The following ZNF638 variants were observed in gnomAD, a reference collection of about 807,000 sequenced individuals.
The protein encoded by ZNF638 is zinc finger protein 638.
In ZNF638, 46 loss-of-function variants were observed where a neutral mutation model predicts 195.6. The observed-to-expected ratio is 0.24, with a 90% CI of 0.19 to 0.30. ZNF638 has a LOEUF of 0.30. ZNF638 is among the 10% of genes least tolerant of loss of function. The pLI, the probability that ZNF638 is intolerant of heterozygous loss-of-function variation, is 1.00. For missense variants in ZNF638, 2,440 were observed against 2,325.3 expected (o/e 1.05, Z -1.01); for synonymous variants, 845 against 772.0 (o/e 1.09, Z -1.57).
At position 71,423,350 on chromosome 2, in the gene ZNF638, G is replaced by C. The variant is rs775978921; in HGVS notation, c.3836G>C (p.Cys1279Ser). ...ETVSEILPST[C>S]IVTLVPGIPT... ...GTTTCGGAAATATTGCCATCAACTT[G>C]TATTGTGACGTTAGTACCAGGAATT... Residue 1279 changes from cysteine (C) to serine (S), a missense_variant, in exon 22 of 28, where the codon TGT becomes TCT. Around this residue, in one of 5 missense-constraint regions of ZNF638, gnomAD observed 1,883 missense variants for 1,739.1 expected, o/e 1.08. Transcript: ENST00000264447. The C allele has an allele frequency of 2.1e-5, 34 of 1,613,908 alleles. 1 individual carries two copies. The South Asian group carries it at 3.4e-4, about 16-fold the overall frequency.
rs2079889873 is a variant in ZNF638, at chr2:71,396,173, A to G, written c.2410A>G (p.Lys804Glu). The G allele has an allele frequency of 1.2e-6, 2 of 1,612,948 alleles. No homozygotes were observed. The highest frequency in any genetic ancestry group is 1.7e-6 in the Non-Finnish European group (2 of 1,179,720). ...KTGQAKASVAKVNKSTGKSAS... is the reference protein window; with the variant it reads ...KTGQAKASVAEVNKSTGKSAS... ...TGGACAAGCCAAGGCATCTGTAGCC[A>G]AAGTAAACAAATCTACAGGTATGTT... Residue 804 changes from lysine to glutamate, a missense_variant, in exon 11 of 28, where the codon AAA (lysine) becomes GAA (glutamate). Physicochemically the swap from Lys to Glu is moderately conservative, Grantham distance 56. This residue lies in a region of ZNF638 where 1,883 missense variants were observed against 1,739.1 expected (regional missense o/e 1.08). Coordinates refer to ENST00000264447, the MANE Select transcript of ZNF638 (RefSeq NM_014497.5).
intron 8 of ZNF638, chr2:71,373,948 G>A (rs2079368733): frequency 6.6e-6 from 1 of 152,040 alleles, no homozygotes; most frequent in South Asian, 2.1e-4. Context: ...TCAGCCTCCT[G>A]AGTACCTGGG....
At chr2:71,363,020 GA>G in intron 3 of ZNF638, 132 bp from the exon 4 acceptor site, 1 of 717,322 alleles carries the variant, frequency 1.4e-6, no homozygotes, top group Non-Finnish European at 2.4e-6. Context: ...ATTATTTATT[GA>G]ATTAAACTCT....
At chr2:71,384,488 A>G (rs192345487) in intron 10 of ZNF638, among the ~76,000 whole-genome samples, 2 of 152,304 alleles carry the variant, frequency 1.3e-5, no homozygotes, top group Admixed American at 6.5e-5. Context: ...ATGTTACTTC[A>G]TTCCTTGGTT....
At chr2:71,404,669 A>AT (rs1573129658) in intron 17 of ZNF638, among the ~76,000 whole-genome samples, 1 of 152,260 alleles carries the variant, frequency 6.6e-6, no homozygotes, top group South Asian at 2.1e-4. Flanking sequence ...CTGAGCTGTG[A>AT]TTTTACCACT....
chr2:71,355,061 C>T (rs979375970), intron 2 of ZNF638, among the ~76,000 whole-genome samples: 11 of 152,184 alleles, frequency 7.2e-5, no homozygotes, highest in Middle Eastern at 3.4e-3. Context: ...CTCCGCCTCC[C>T]GGGTTCACGC....
At chr2:71,371,338 C>T (rs1428156510) in intron 8 of ZNF638, among the ~76,000 whole-genome samples, 4 of 152,074 alleles carry the variant, frequency 2.6e-5, no homozygotes, top group Admixed American at 2.6e-4. Flanking sequence ...ATACTGATTT[C>T]TTTTCTTTTG....
intron 8 of ZNF638, among the ~76,000 whole-genome samples, chr2:71,373,610 G>C (rs1393975670): frequency 6.8e-6 from 1 of 147,486 alleles, no homozygotes; most frequent in African/African-American, 2.5e-5. Context: ...AACAGAGATG[G>C]GGTTTCACCA....
rs1213085860 is a variant in ZNF638 at position 71,423,811 on chromosome 2, T to G, written c.4297T>G (p.Ser1433Ala). 2 of 1,614,066 alleles carry G rather than the reference T, an allele frequency of 1.2e-6. No individual in the cohort carries two copies. Among genetic ancestry groups the G allele is most frequent in the East Asian group, 2.2e-5 (1 of 44,884 alleles). ...TCAAATAAATGCTGAAAAGAAACTT[T>G]CAGCCAAGGAATTTGGTCTGCTTAA... The part of the protein sequence containing the change: ...RDQINAEKKL[S>A]AKEFGLLKPT... Residue 1433 changes from serine (S) to alanine (A), a missense_variant, in exon 22 of 28, where the codon TCA becomes GCA. Physicochemically the swap from Ser to Ala is moderately conservative, Grantham distance 99 (BLOSUM62 1). Around this residue, in one of 5 missense-constraint regions of ZNF638, gnomAD observed 1,883 missense variants for 1,739.1 expected, o/e 1.08. Coordinates refer to ENST00000264447, the MANE Select transcript of ZNF638 (RefSeq NM_014497.5).
chr2:71,401,535 A>G (rs543649174), intron 15 of ZNF638, among the ~76,000 whole-genome samples: 8 of 152,174 alleles, frequency 5.3e-5, no homozygotes, highest in Non-Finnish European at 1.0e-4. Flanking sequence ...GTTGTAGCCA[A>G]AAACAAATGA....
At chr2:71,341,201 GTTTCT>G (rs2104114065) in intron 1 of ZNF638, among the ~76,000 whole-genome samples, 1 of 152,174 alleles carries the variant, frequency 6.6e-6, no homozygotes, top group East Asian at 1.9e-4. Flanking sequence ...CAAGAACCCA[GTTTCT>G]ACTATGTTTC....
chr2:71,418,819 T>A (rs1403886867), intron 21 of ZNF638, among the ~76,000 whole-genome samples, 180 bp downstream of exon 21: 1 of 152,230 alleles, frequency 6.6e-6, no homozygotes, highest in East Asian at 1.9e-4. Context: ...GAGTTTCGTT[T>A]GTTGCTTTTT....
At chr2:71,364,684 TC>T (rs1340634361) in intron 5 of ZNF638, among the ~76,000 whole-genome samples, 2 of 152,220 alleles carry the variant, frequency 1.3e-5, no homozygotes, top group East Asian at 3.8e-4. Flanking sequence ...ACTTTGACAC[TC>T]CCACTGTTTC....
intron 9 of ZNF638, 46 bp from the exon 10 acceptor site, chr2:71,380,467 C>A (rs761737710): frequency 1.4e-5 from 21 of 1,519,178 alleles, no homozygotes; most frequent in Non-Finnish European, 1.4e-5. Flanking sequence ...TTTTGTAGAA[C>A]TTAGAATTCC....
intron 5 of ZNF638, among the ~76,000 whole-genome samples, chr2:71,364,930 TA>T (rs1472019705): frequency 3.9e-5 from 6 of 152,236 alleles, no homozygotes; most frequent in Non-Finnish European, 5.9e-5. Context: ...GAAGCAGATA[TA>T]AGAATTTAGG....
intron 3 of ZNF638, among the ~76,000 whole-genome samples, chr2:71,357,368 T>C (rs983889994): frequency 1.3e-4 from 20 of 152,182 alleles, no homozygotes; most frequent in African/African-American, 4.8e-4. Context: ...TACTATCCTA[T>C]ATAGATGCTG....
chr2:71,336,559 T>C (rs2078674477), intron 1 of ZNF638, among the ~76,000 whole-genome samples: 1 of 152,226 alleles, frequency 6.6e-6, no homozygotes, highest in African/African-American at 2.4e-5. Flanking sequence ...GCATTTTGTT[T>C]ACTGTTGAGC....
rs375749305 is a variant in ZNF638 at position 71,424,045 on chromosome 2, A to G, written c.4524+7A>G. 4.8e-5 allele frequency: 77 copies of G among 1,609,726 alleles called. No homozygotes were observed. Among genetic ancestry groups the G allele is most frequent in the Middle Eastern group, 1.7e-4 (1 of 6,056 alleles). On this transcript the variant is annotated splice_region_variant and intron_variant, in intron 22 of 27. Coordinates refer to ENST00000264447, the MANE Select transcript of ZNF638 (RefSeq NM_014497.5). ...GGATGACAGCAACAATAAGGTGAGGAGGGTAGGAAGAATGGCACAGTGTGT... is the reference window on the plus strand; with the variant it reads ...GGATGACAGCAACAATAAGGTGAGGGGGGTAGGAAGAATGGCACAGTGTGT...
rs910011003 is a variant in ZNF638, at chr2:71,369,025, A to G, written c.2142+497A>G. ...TTAAGAACTGTGAACAGTTCTTCAC[A>G]TAAGCACAACATAAAATAGTTAGTT... On this transcript the variant is annotated intron_variant, in intron 7 of 27. Transcript: ENST00000264447. Among the ~76,000 whole-genome samples, 11 of 151,178 alleles carry G rather than the reference A, an allele frequency of 7.3e-5. 1 individual carries two copies. Among genetic ancestry groups the G allele is most frequent in the Admixed American group, 5.2e-4 (8 of 15,240 alleles).
Sources: gnomAD v4.1 joint callset for allele counts (sites outside exome capture counted in the v4.1 genomes callset) on GRCh38, gnomAD v4.1.1 for gene constraint, gnomAD v4.1.1 regional missense constraint, MANE v1.5 for transcripts, NCBI Gene and HGNC (gene_info 2026-07-23, HGNC 2026-07-21) for gene names.